The following GPATCH2 variants were observed in gnomAD, a reference collection of about 807,000 sequenced individuals.
GPATCH2 encodes G patch domain-containing protein 2.
GPATCH2 carries 51 observed loss-of-function variants against 58.0 expected under a neutral mutation model. The observed-to-expected ratio is 0.88, with a 90% CI of 0.70 to 1.11. GPATCH2 has a LOEUF of 1.11. Among genes scored for constraint, GPATCH2 ranks in the 50% most tolerant of loss-of-function variants. The pLI, the probability that GPATCH2 is intolerant of heterozygous loss-of-function variation, is 0.00. For missense variants in GPATCH2, 625 were observed against 652.2 expected (o/e 0.96, Z 0.45); for synonymous variants, 222 against 218.5 (o/e 1.02, Z -0.14).
intron 6 of GPATCH2, among the ~76,000 whole-genome samples, chr1:217,501,118 A>T (rs1337074209): frequency 1.3e-5 from 2 of 152,100 alleles, no homozygotes; most frequent in East Asian, 3.9e-4. Context: ...CCTACATTGA[A>T]TCCCTGTTAA....
chr1:217,545,429 G>C (rs1360555572), intron 5 of GPATCH2, among the ~76,000 whole-genome samples: 1 of 152,066 alleles, frequency 6.6e-6, no homozygotes, highest in Non-Finnish European at 1.5e-5. Flanking sequence ...AGGGTATTTG[G>C]GCAGCACCTA....
chr1:217,612,090 G>A (rs1216671103), intron 3 of GPATCH2, among the ~76,000 whole-genome samples: 2 of 151,990 alleles, frequency 1.3e-5, no homozygotes, highest in African/African-American at 4.8e-5. Context: ...TGAGGCAGGA[G>A]GATCCCTTGA....
chr1:217,453,272 C>T lies in GPATCH2; in HGVS notation c.1278-3935G>A, dbSNP rs184336646. 4.9e-4 allele frequency among the ~76,000 whole-genome samples: 74 copies of T among 152,160 alleles called. 1 individual carries two copies. The highest frequency in any genetic ancestry group is 4.6e-3 in the Admixed American group (70 of 15,290). ...GAACAGACCCAAAGTTATTAAAGAACAATATTAAGATCCTTTTGTAAGGTG... is the reference window on the plus strand; with the variant it reads ...GAACAGACCCAAAGTTATTAAAGAATAATATTAAGATCCTTTTGTAAGGTG... On this transcript the variant is annotated intron_variant, in intron 8 of 9. Transcript: ENST00000366935.
intron 6 of GPATCH2, among the ~76,000 whole-genome samples, chr1:217,504,925 T>G (rs1662476504): frequency 6.6e-6 from 1 of 152,142 alleles, no homozygotes; most frequent in Admixed American, 6.6e-5. Context: ...TCCTTGAAAG[T>G]CAGAGTCAAG....
intron 5 of GPATCH2, among the ~76,000 whole-genome samples, chr1:217,595,781 T>G (rs778247569): frequency 6.6e-6 from 1 of 152,168 alleles, no homozygotes; most frequent in Non-Finnish European, 1.5e-5. Context: ...ATTACAAGCA[T>G]GAGCCACCGC....
At chr1:217,574,727 A>T (rs1405791132) in intron 5 of GPATCH2, among the ~76,000 whole-genome samples, 1 of 152,338 alleles carries the variant, frequency 6.6e-6, no homozygotes, top group South Asian at 2.1e-4. Context: ...CAAAAGTAGA[A>T]ACAAAGGTAC....
intron 6 of GPATCH2, among the ~76,000 whole-genome samples, chr1:217,509,295 C>T (rs548088810): frequency 5.1e-4 from 77 of 152,176 alleles, no homozygotes; most frequent in African/African-American, 1.6e-3. Context: ...GCACCAAGAT[C>T]GCGCCACTGC....
At chr1:217,601,485 C>CT (rs1668105807) in intron 5 of GPATCH2, among the ~76,000 whole-genome samples, 1 of 151,828 alleles carries the variant, frequency 6.6e-6, no homozygotes, top group Non-Finnish European at 1.5e-5. Context: ...ACAAAAGTGC[C>CT]TTTTTTGCTA....
intron 9 of GPATCH2, among the ~76,000 whole-genome samples, chr1:217,445,210 A>G (rs1218613370): frequency 1.3e-5 from 2 of 152,120 alleles, no homozygotes; most frequent in Admixed American, 6.5e-5. Context: ...TATAATAAAT[A>G]TTTTACTATG....
At chr1:217,575,687 A>C (rs1455587387) in intron 5 of GPATCH2, among the ~76,000 whole-genome samples, 1 of 152,126 alleles carries the variant, frequency 6.6e-6, no homozygotes, top group Admixed American at 6.5e-5. Flanking sequence ...GGAGGATAAC[A>C]AAAAAACAAA....
chr1:217,492,255 A>G (rs538642395), intron 7 of GPATCH2, among the ~76,000 whole-genome samples: 1 of 152,334 alleles, frequency 6.6e-6, no homozygotes, highest in South Asian at 2.1e-4. Context: ...AACATGGTAA[A>G]GAAACACGCT....
chr1:217,523,730 T>C (rs1663610951), intron 5 of GPATCH2, among the ~76,000 whole-genome samples: 1 of 149,250 alleles, frequency 6.7e-6, no homozygotes, highest in African/African-American at 2.5e-5. Flanking sequence ...GAGGGGCTCC[T>C]CACTTCCCAG....
At chr1:217,571,721 C>CAAAAAAAAAAAAAAAAAAAAAAA (rs1558494034) in intron 5 of GPATCH2, among the ~76,000 whole-genome samples, 2 of 114,710 alleles carry the variant, frequency 1.7e-5, no homozygotes, top group African/African-American at 3.1e-5. Flanking sequence ...AAAAAAAAAA[C>CAAAAAAAAAAAAAAAAAAAAAAA]AAAAAAGAAG....
chr1:217,491,777 T>C, intron 7 of GPATCH2, 27 bp from the exon 8 acceptor site: 3 of 871,286 alleles, frequency 3.4e-6, no homozygotes, highest in Non-Finnish European at 5.4e-6. Context: ...GACAAAGTCA[T>C]AGAAACAAAA....
intron 1 of GPATCH2, among the ~76,000 whole-genome samples, chr1:217,626,893 A>G (rs764546816): frequency 2.4e-4 from 36 of 152,078 alleles, no homozygotes; most frequent in South Asian, 1.0e-3. Flanking sequence ...AGGGTGGGAT[A>G]GGGAAGAATT....
rs1320357677 is a variant in GPATCH2, at chr1:217,514,889, C to T, written c.1099G>A (p.Val367Ile). ...TTACCCACTGGGCCAGGAATGGGTA[C>T]CTACAGGGAGATTTAAAAAGAAAAA... ...KKSGGTPTSM[V>I]PIPGPVGNKR... The change falls in exon 6 of 10, where the codon GTA (valine) becomes ATA (isoleucine). Residue 367 changes from valine (V) to isoleucine (I), a missense_variant and splice_region_variant. Val to Ile is a conservative substitution (Grantham distance 29, BLOSUM62 3). Coordinates refer to ENST00000366935, the MANE Select transcript of GPATCH2 (RefSeq NM_018040.5). The T allele has an allele frequency of 6.9e-7, 1 of 1,441,598 alleles. No individual in the cohort carries two copies. Among genetic ancestry groups the T allele is most frequent in the Admixed American group, 1.7e-5 (1 of 59,530 alleles). The allele number at this position is 1,441,598 out of a possible 1,614,324, so 89.3% of individuals were successfully genotyped here. A position where few individuals can be genotyped will look rare whatever the true frequency, so the allele number is the denominator to read the frequency against.
At chr1:217,570,475 C>T (rs966398297) in intron 5 of GPATCH2, among the ~76,000 whole-genome samples, 1 of 152,166 alleles carries the variant, frequency 6.6e-6, no homozygotes, top group Non-Finnish European at 1.5e-5. Flanking sequence ...AACTCAAATG[C>T]TGCTTTTACT....
At chr1:217,556,967 G>T (rs1004302876) in intron 5 of GPATCH2, among the ~76,000 whole-genome samples, 6 of 152,142 alleles carry the variant, frequency 3.9e-5, no homozygotes, top group Non-Finnish European at 8.8e-5. Context: ...CATGTTTATA[G>T]ATCAGTTGTG....
intron 5 of GPATCH2, among the ~76,000 whole-genome samples, chr1:217,555,528 T>G (rs917952090): frequency 1.3e-5 from 2 of 152,144 alleles, no homozygotes; most frequent in African/African-American, 2.4e-5. Flanking sequence ...ATTTTGAATC[T>G]CACTTTTACT....
Sources: gnomAD v4.1 joint callset for allele counts (sites outside exome capture counted in the v4.1 genomes callset) on GRCh38, gnomAD v4.1.1 for gene constraint, MANE v1.5 for transcripts, NCBI Gene and HGNC (gene_info 2026-07-23, HGNC 2026-07-21) for gene names.